Variants in PDXK observed in about 807,000 individuals in gnomAD.
PDXK encodes the protein pyridoxal kinase.
In PDXK, 15 loss-of-function variants were observed where a neutral mutation model predicts 43.2. That is an observed-to-expected ratio of 0.35 (90% CI 0.23 to 0.53). The LOEUF (loss-of-function observed/expected upper bound fraction) is 0.53. PDXK is among the 20% of genes least tolerant of loss of function. The pLI is 0.92. For synonymous variants in PDXK, 172 were observed against 165.4 expected (o/e 1.04, Z -0.31); for missense variants, 343 against 417.0 (o/e 0.82, Z 1.54).
chr21:43,752,670 C>T (rs2147312975), intron 8 of PDXK, 41 bp downstream of exon 8: 2 of 1,215,620 alleles, frequency 1.6e-6, no homozygotes, highest in Non-Finnish European at 1.2e-6. Flanking sequence ...CTCTGCTCTT[C>T]CCAGAGGAAG....
intron 9 of PDXK, chr21:43,755,437 G>A (rs1192925428): frequency 9.5e-6 from 5 of 527,142 alleles, no homozygotes; most frequent in African/African-American, 3.8e-5. Flanking sequence ...TGCAGGTCAC[G>A]AGGCTGTCCC....
intron 7 of PDXK, among the ~76,000 whole-genome samples, chr21:43,752,078 C>T (rs371976455): frequency 5.9e-5 from 9 of 151,748 alleles, no homozygotes; most frequent in Admixed American, 3.9e-4. Flanking sequence ...GCTATGGACA[C>T]GTGCTGGGTG....
At position 43,737,343 on chromosome 21, in the gene PDXK, T is replaced by C; in HGVS notation, c.142+3220T>C. On this transcript the variant is annotated intron_variant, in intron 2 of 10. Coordinates refer to ENST00000291565, the MANE Select transcript of PDXK (RefSeq NM_003681.5). This position sits in a 1 kb window ranked among gnomAD's most constrained non-coding sequence, Gnocchi z 4.8. ...CCCCTTCCCCCGGCCAGGCCCCCGTTCCTTGAGGCCGTACCACAAGGTGCG... is the reference window on the plus strand; with the variant it reads ...CCCCTTCCCCCGGCCAGGCCCCCGTCCCTTGAGGCCGTACCACAAGGTGCG... The C allele has an allele frequency of 7.6e-7, 1 of 1,324,240 alleles. No homozygotes were observed. Among genetic ancestry groups the C allele is most frequent in the Non-Finnish European group, 9.7e-7 (1 of 1,034,344 alleles). 82.0% of individuals were successfully genotyped at this position (1,324,240 alleles called of 1,614,324 possible).
At chr21:43,755,792 G>T (rs767935467) in intron 10 of PDXK, 28 bp downstream of exon 10, 44 of 1,598,364 alleles carry the variant, frequency 2.8e-5, no homozygotes, top group Non-Finnish European at 3.7e-5. Flanking sequence ...CATGGGCTGC[G>T]TGGGCTCCTG....
chr21:43,749,412 T>C (rs2083696100), intron 6 of PDXK, among the ~76,000 whole-genome samples: 1 of 152,236 alleles, frequency 6.6e-6, no homozygotes, highest in Non-Finnish European at 1.5e-5. Context: ...GCAGAGTAAG[T>C]TATTTTAAAT....
rs151204815 is a variant in PDXK at position 43,739,893 on chromosome 21, C to T, written c.143-1774C>T. On this transcript the variant is annotated intron_variant, in intron 2 of 10. Transcript: ENST00000291565. ...CATTGCTCACCTCCCTCCTCCTACC[C>T]CTTACCCCAAACCCCGCCCCAGCCT... Among the ~76,000 whole-genome samples, 5 of 151,940 alleles carry T rather than the reference C, an allele frequency of 3.3e-5. 1 individual carries two copies. The highest frequency in any genetic ancestry group is 7.4e-5 in the Non-Finnish European group (5 of 67,864).
chr21:43,721,684 C>G (rs944739905), intron 1 of PDXK: 1 of 152,270 alleles, frequency 6.6e-6, no homozygotes, highest in African/African-American at 2.4e-5. Context: ...GCTCCTTGTG[C>G]CCTTCATGCC....
chr21:43,724,386 C>T (rs777957391), intron 1 of PDXK, among the ~76,000 whole-genome samples: 6 of 152,122 alleles, frequency 3.9e-5, no homozygotes, highest in Non-Finnish European at 8.8e-5. Context: ...CCCGCTTCTC[C>T]GGACAGGAGC....
intron 5 of PDXK, 71 bp downstream of exon 5, chr21:43,746,196 C>G: frequency 1.7e-6 from 2 of 1,202,690 alleles, no homozygotes; most frequent in East Asian, 4.6e-5. Flanking sequence ...AGAAGACAGG[C>G]CCACATCTCT....
At chr21:43,733,047 C>T (rs879289593) in intron 1 of PDXK, among the ~76,000 whole-genome samples, 3 of 152,002 alleles carry the variant, frequency 2.0e-5, no homozygotes, top group Admixed American at 6.5e-5. Context: ...TGCACCTGGC[C>T]GCAAAAAAAG....
At chr21:43,721,443 G>C (rs1367742764) in intron 1 of PDXK, among the ~76,000 whole-genome samples, 1 of 152,258 alleles carries the variant, frequency 6.6e-6, no homozygotes, top group African/African-American at 2.4e-5. Context: ...CCAGAGATTT[G>C]CCTCAAGGCT....
Position 43,750,533 on chromosome 21 carries a change from G to A in PDXK, c.498G>A (p.Glu166=), listed in dbSNP as rs774841897. ...LLSGRKIHSQ[E]EALRVMDMLH... ...GTGGCCGGAAGATCCACAGCCAGGA[G>A]GAAGCCTTGCGGGTAAGGAGGCCCT... is the stretch of plus-strand genomic sequence containing the variant. The change falls in exon 7 of 11, where the codon GAG becomes GAA. Residue 166 remains glutamate, a synonymous_variant. Coordinates refer to ENST00000291565, the MANE Select transcript of PDXK (RefSeq NM_003681.5). 4.3e-6 allele frequency: 7 copies of A among 1,613,206 alleles called. No homozygotes were observed. Among genetic ancestry groups the A allele is most frequent in the Non-Finnish European group, 5.9e-6 (7 of 1,179,502 alleles).
rs561338618 is a variant in PDXK at position 43,733,048 on chromosome 21, G to A, written c.88-1021G>A. 7.9e-5 allele frequency among the ~76,000 whole-genome samples: 12 copies of A among 152,144 alleles called. No individual in the cohort carries two copies. In the South Asian group the frequency reaches 2.3e-3, roughly 29 times the overall value. On this transcript the variant is annotated intron_variant, in intron 1 of 10. Transcript: ENST00000291565. ...CAGGCATGAGCCACTGCACCTGGCC[G>A]CAAAAAAAGTTAAAGTGCTAACTTT... is the stretch of plus-strand genomic sequence containing the variant.
chr21:43,719,816 C>T (rs1000280438), intron 1 of PDXK: 2 of 985,470 alleles, frequency 2.0e-6, no homozygotes, highest in Non-Finnish European at 2.4e-6. Flanking sequence ...CAGAAGCGGC[C>T]GTGGAGCTCG....
At chr21:43,747,757 A>G (rs2083663267) in intron 5 of PDXK, among the ~76,000 whole-genome samples, 1 of 152,218 alleles carries the variant, frequency 6.6e-6, no homozygotes, top group South Asian at 2.1e-4. Context: ...GATTTTGATC[A>G]CATTTGTTTT....
At position 43,726,954 on chromosome 21, in the gene PDXK, CAT is replaced by C. The variant is rs536191509; in HGVS notation, c.88-7114_88-7113del. On this transcript the variant is annotated intron_variant, in intron 1 of 10. Coordinates refer to ENST00000291565, the MANE Select transcript of PDXK (RefSeq NM_003681.5). ...GGCATGTGTGCATGGCGTGTGTGCA[CAT>C]GTCTGGGCATGCATGCGTGTGTCAT... 2.3e-3 allele frequency among the ~76,000 whole-genome samples: 357 copies of C among 152,164 alleles called. 3 individuals carry two copies. The highest frequency in any genetic ancestry group is 6.7e-3 in the African/African-American group (277 of 41,526).
chr21:43,719,318 C>G lies in PDXK; in HGVS notation c.24C>G (p.Leu8=). 6.0e-6 allele frequency: 9 copies of G among 1,511,484 alleles called. No individual in the cohort carries two copies. Among genetic ancestry groups the G allele is most frequent in the Non-Finnish European group, 8.0e-6 (9 of 1,131,400 alleles). 93.6% of individuals were successfully genotyped at this position (1,511,484 alleles called of 1,614,324 possible). A position where few individuals can be genotyped will look rare whatever the true frequency, so the allele number is the denominator to read the frequency against. MEEECRV[L]SIQSHVIRGY... ...GCATGGAGGAGGAGTGCCGGGTGCT[C>G]TCCATACAGAGCCACGTCATCCGCG... Residue 8 remains leucine (L), a synonymous_variant, in exon 1 of 11, where the codon CTC becomes CTG. Transcript: ENST00000291565.
At chr21:43,724,291 G>C (rs1033675432) in intron 1 of PDXK, among the ~76,000 whole-genome samples, 5 of 152,134 alleles carry the variant, frequency 3.3e-5, no homozygotes, top group African/African-American at 1.2e-4. Context: ...CTGGAACCCT[G>C]GATGTCAGCA....
chr21:43,745,144 G>T (rs776383864), intron 4 of PDXK, among the ~76,000 whole-genome samples: 3 of 152,230 alleles, frequency 2.0e-5, no homozygotes, highest in Non-Finnish European at 4.4e-5. Context: ...CGGAGGCTCG[G>T]TGTGGTGGCT....
Sources: gnomAD v4.1 joint callset for allele counts (sites outside exome capture counted in the v4.1 genomes callset) on GRCh38, gnomAD v4.1.1 for gene constraint, Gnocchi (gnomAD v3.1) non-coding constraint, MANE v1.5 for transcripts, NCBI Gene and HGNC (gene_info 2026-07-23, HGNC 2026-07-21) for gene names.